The following RAPGEF2 variants were observed in gnomAD, a reference collection of about 807,000 sequenced individuals.
The protein encoded by RAPGEF2 is Rap guanine nucleotide exchange factor 2, also known as PDZ domain containing guanine nucleotide exchange factor (GEF) 1.
RAPGEF2 carries 54 observed loss-of-function variants against 186.7 expected under a neutral mutation model. The observed-to-expected ratio is 0.29, with a 90% CI of 0.23 to 0.36. The LOEUF (loss-of-function observed/expected upper bound fraction) is 0.36. Among genes scored for constraint, RAPGEF2 ranks in the 10% least tolerant of loss-of-function variants. The pLI is 1.00. For missense variants in RAPGEF2, 1,532 were observed against 2,045.0 expected (o/e 0.75, Z 4.84); for synonymous variants, 712 against 705.9 (o/e 1.01, Z -0.14).
intron 1 of RAPGEF2, among the ~76,000 whole-genome samples, chr4:159,114,119 ATTTTTTT>A (rs772011656): frequency 7.3e-6 from 1 of 136,880 alleles, no homozygotes; most frequent in African/African-American, 2.7e-5. Context: ...TACCTGGCTA[ATTTTTTT>A]TTTTTTTTTT....
intron 17 of RAPGEF2, among the ~76,000 whole-genome samples, chr4:159,336,939 A>G (rs951745320): frequency 3.9e-5 from 6 of 152,212 alleles, no homozygotes; most frequent in Admixed American, 3.9e-4. Context: ...AGTCTGAGCT[A>G]TAACCATTTT....
At chr4:159,197,742 C>G (rs1382633159) in intron 3 of RAPGEF2, among the ~76,000 whole-genome samples, 2 of 152,196 alleles carry the variant, frequency 1.3e-5, no homozygotes, top group Non-Finnish European at 2.9e-5. Context: ...AGCAGCTATT[C>G]CCACTGCTCT....
rs1464796157 is a variant in RAPGEF2 at position 159,347,009 on chromosome 4, ACATTCATTTCTTTTTTTGGTGC to A, written c.3712+18_3712+39del. ...ATCTCCCACCTTTTGGTAAGTGATT[ACATTCATTTCTTTTTTTGGTGC>A]CATTCACTGTCATGGTTTGCAAATT... On this transcript the variant is annotated intron_variant, in intron 25 of 29. Transcript: ENST00000691494. 6.2e-7 allele frequency: 1 copy of A among 1,602,650 alleles called. No individual in the cohort carries two copies. Among genetic ancestry groups the A allele is most frequent in the Admixed American group, 1.7e-5 (1 of 59,424 alleles).
At chr4:159,266,297 A>G (rs900928766) in intron 7 of RAPGEF2, among the ~76,000 whole-genome samples, 4 of 152,198 alleles carry the variant, frequency 2.6e-5, no homozygotes, top group African/African-American at 9.6e-5. Context: ...AGTCTTTGGC[A>G]GTAGTCAAGA....
chr4:159,195,745 G>GC (rs1748570034), intron 3 of RAPGEF2, among the ~76,000 whole-genome samples: 1 of 151,906 alleles, frequency 6.6e-6, no homozygotes, highest in Non-Finnish European at 1.5e-5. Context: ...CTCTCTCCCT[G>GC]CCCCAACCTG....
chr4:159,310,687 G>C (rs1381648993), intron 8 of RAPGEF2, among the ~76,000 whole-genome samples: 2 of 152,084 alleles, frequency 1.3e-5, no homozygotes, highest in Non-Finnish European at 2.9e-5. Flanking sequence ...ATGTTAGTCA[G>C]TACCTGTATA....
chr4:159,186,780 T>C (rs764279671), intron 2 of RAPGEF2, 68 bp downstream of exon 2: 61 of 872,990 alleles, frequency 7.0e-5, no homozygotes, highest in Non-Finnish European at 9.8e-5. Flanking sequence ...AATTTAACAT[T>C]TTAATTTTTT....
Position 159,346,695 on chromosome 4 carries a change from G to T in RAPGEF2, c.3503-94G>T, listed in dbSNP as rs954343851. On this transcript the variant is annotated intron_variant, in intron 24 of 29. Coordinates refer to ENST00000691494, the MANE Select transcript of RAPGEF2 (RefSeq NM_001394067.2). ...TGTGCATTAATTTAGTATTCTAACT[G>T]CAGAAAATGCTCACACAGTTCTAGA... is the stretch of plus-strand genomic sequence containing the variant. 64 of 1,044,148 alleles carry T rather than the reference G, an allele frequency of 6.1e-5. No individual in the cohort carries two copies. In the African/African-American group the frequency reaches 9.8e-4, roughly 16 times the overall value. 64.7% of individuals were successfully genotyped at this position (1,044,148 alleles called of 1,614,324 possible). A position where few individuals can be genotyped will look rare whatever the true frequency, so the allele number is the denominator to read the frequency against.
rs1445136433 is a variant in RAPGEF2, at chr4:159,359,147, T to C, written c.*1008T>C. The C allele has an allele frequency of 9.7e-6, 1 of 103,566 alleles. No individual in the cohort carries two copies. The highest frequency in any genetic ancestry group is 2.4e-5 in the Non-Finnish European group (1 of 42,224). 6.4% of individuals were successfully genotyped at this position (103,566 alleles called of 1,614,324 possible). On this transcript the variant is annotated 3_prime_UTR_variant, in exon 30 of 30. Coordinates refer to ENST00000691494, the MANE Select transcript of RAPGEF2 (RefSeq NM_001394067.2). ...AATTTAGAGGTGTAGGTTTTGTTTTTTGTTTTTTTGTTTTTTTTTAAGAGA... is the reference window on the plus strand; with the variant it reads ...AATTTAGAGGTGTAGGTTTTGTTTTCTGTTTTTTTGTTTTTTTTTAAGAGA...
chr4:159,211,004 T>C (rs1490578495), intron 4 of RAPGEF2, among the ~76,000 whole-genome samples: 2 of 152,246 alleles, frequency 1.3e-5, no homozygotes, highest in Admixed American at 6.5e-5. Context: ...GGGACTTTCA[T>C]TGACATTTTT....
rs746468917 is a variant in RAPGEF2 at position 159,241,385 on chromosome 4, T to C, written c.525+17T>C. ...TATCACACGGTAAGTTATACAAGTATAATATTTTTATTTATTTCTAGTTTT... is the reference window on the plus strand; with the variant it reads ...TATCACACGGTAAGTTATACAAGTACAATATTTTTATTTATTTCTAGTTTT... On this transcript the variant is annotated intron_variant, in intron 6 of 29. Transcript: ENST00000691494. 26 of 1,323,944 alleles carry C rather than the reference T, an allele frequency of 2.0e-5. No individual in the cohort carries two copies. In the South Asian group the frequency reaches 5.4e-4, roughly 28 times the overall value. 82.0% of individuals were successfully genotyped at this position (1,323,944 alleles called of 1,614,324 possible).
At chr4:159,330,636 CAAA>C (rs777069865) in intron 13 of RAPGEF2, 138 bp downstream of exon 13, 14 of 571,026 alleles carry the variant, frequency 2.5e-5, no homozygotes, top group Non-Finnish European at 4.0e-5. Flanking sequence ...CAAAAAAAAA[CAAA>C]AAAACAAAAA....
chr4:159,303,926 A>G (rs1762972315), intron 7 of RAPGEF2, among the ~76,000 whole-genome samples: 1 of 152,142 alleles, frequency 6.6e-6, no homozygotes, highest in Non-Finnish European at 1.5e-5. Flanking sequence ...ACCTTTAAAC[A>G]TTATTTGGGT....
intron 7 of RAPGEF2, among the ~76,000 whole-genome samples, chr4:159,258,263 T>A (rs1200496201): frequency 6.6e-6 from 1 of 152,226 alleles, no homozygotes; most frequent in East Asian, 1.9e-4. Flanking sequence ...GTTTTGTTTG[T>A]TTATTCATTT....
chr4:159,106,270 C>CT (rs1406048988), intron 1 of RAPGEF2, among the ~76,000 whole-genome samples: 10 of 152,344 alleles, frequency 6.6e-5, no homozygotes, highest in Non-Finnish European at 1.3e-4. Context: ...GCCCTATTAA[C>CT]TTTGATGTTC....
chr4:159,265,460 CAT>C (rs893240695), intron 7 of RAPGEF2, among the ~76,000 whole-genome samples: 13 of 152,170 alleles, frequency 8.5e-5, no homozygotes, highest in African/African-American at 3.1e-4. Flanking sequence ...GAGGAAATAA[CAT>C]GTGCAAAGGC....
chr4:159,220,362 A>G (rs1751415276), intron 4 of RAPGEF2, among the ~76,000 whole-genome samples: 1 of 139,386 alleles, frequency 7.2e-6, no homozygotes, highest in Non-Finnish European at 1.6e-5. Flanking sequence ...AAATTCCCAC[A>G]GTGGGGTGGG....
intron 7 of RAPGEF2, among the ~76,000 whole-genome samples, chr4:159,284,228 C>T (rs1035956738): frequency 2.6e-5 from 4 of 152,060 alleles, no homozygotes; most frequent in African/African-American, 9.7e-5. Context: ...AAGCACCTAC[C>T]TTCGCCTAAC....
chr4:159,198,322 CTTTCTTTCTTTCT>C lies in RAPGEF2; in HGVS notation c.197+5070_197+5082del, dbSNP rs1327865071. On this transcript the variant is annotated intron_variant, in intron 3 of 29. Coordinates refer to ENST00000691494, the MANE Select transcript of RAPGEF2 (RefSeq NM_001394067.2). ...TCTTTCTTTCTTTCTTTCTTTCTTT[CTTTCTTTCTTTCT>C]TTTTCTTTCTCTCTCTTTCCTTCCT... is the stretch of plus-strand genomic sequence containing the variant. Among the ~76,000 whole-genome samples, 313 of 56,752 alleles carry C rather than the reference CTTTCTTTCTTTCT, an allele frequency of 5.5e-3. 18 individuals carry two copies. Among genetic ancestry groups the C allele is most frequent in the African/African-American group, 0.029 (227 of 7,698 alleles). 37.2% of individuals were successfully genotyped at this position (56,752 alleles called of 152,430 possible). A position where few individuals can be genotyped will look rare whatever the true frequency, so the allele number is the denominator to read the frequency against.
Sources: allele counts gnomAD v4.1 joint callset (sites outside exome capture counted in the v4.1 genomes callset), GRCh38; gene constraint gnomAD v4.1.1; transcripts MANE v1.5; gene names NCBI Gene and HGNC (gene_info 2026-07-23, HGNC 2026-07-21).